MAGI2: variants seen among roughly 807,000 people sequenced by gnomAD.
MAGI2 encodes the protein membrane-associated guanylate kinase, WW and PDZ domain-containing protein 2.
A neutral mutation model predicts 133.3 loss-of-function variants in MAGI2; 35 were observed. That is an observed-to-expected ratio of 0.26 (90% CI 0.20 to 0.35). The LOEUF (loss-of-function observed/expected upper bound fraction) is 0.35, where lower values mean the gene tolerates loss of function less well. MAGI2 is among the 10% of genes least tolerant of loss of function. MAGI2 has a pLI of 1.00. For missense variants in MAGI2, 1,636 were observed against 1,863.4 expected, an observed-to-expected ratio of 0.88 and a Z score of 2.25; for synonymous variants, 729 against 710.6, an observed-to-expected ratio of 1.03 and a Z score of -0.41.
At chr7:78,458,018 C>T (rs1789501384) in intron 6 of MAGI2, among the ~76,000 whole-genome samples, 1 of 152,092 alleles carries the variant, frequency 6.6e-6, no homozygotes, top group Non-Finnish European at 1.5e-5. Context: ...AAAGAGTAGG[C>T]TGGGCGTGGT....
chr7:79,326,259 T>C (rs1201448096), intron 1 of MAGI2, among the ~76,000 whole-genome samples: 1 of 152,170 alleles, frequency 6.6e-6, no homozygotes, highest in African/African-American at 2.4e-5. Context: ...TTTTAAAATA[T>C]GACGCTTGCA....
At chr7:79,074,250 T>C (rs1387855855) in intron 1 of MAGI2, among the ~76,000 whole-genome samples, 1 of 152,220 alleles carries the variant, frequency 6.6e-6, no homozygotes, top group Non-Finnish European at 1.5e-5. Flanking sequence ...AATGTGCCTA[T>C]GTAGCCCTGA....
At chr7:78,768,988 A>C (rs1221850968) in intron 2 of MAGI2, among the ~76,000 whole-genome samples, 1 of 152,170 alleles carries the variant, frequency 6.6e-6, no homozygotes, top group Non-Finnish European at 1.5e-5. Flanking sequence ...GCTAAAGCGC[A>C]TCCTGCCTCT....
intron 2 of MAGI2, among the ~76,000 whole-genome samples, chr7:78,982,022 C>G (rs1428121117): frequency 1.3e-5 from 2 of 151,738 alleles, no homozygotes; most frequent in African/African-American, 4.8e-5. Context: ...ACCTTCCCAC[C>G]TCAGGCAGGT....
At chr7:78,859,748 T>C (rs1024938752) in intron 2 of MAGI2, among the ~76,000 whole-genome samples, 3 of 152,184 alleles carry the variant, frequency 2.0e-5, no homozygotes, top group African/African-American at 7.2e-5. Flanking sequence ...AGTATCTTCA[T>C]GGCGTTCTCT....
chr7:78,153,705 C>T (rs1824112906), intron 16 of MAGI2, among the ~76,000 whole-genome samples: 1 of 152,206 alleles, frequency 6.6e-6, no homozygotes, highest in Admixed American at 6.5e-5. Flanking sequence ...AGGCCTCAAA[C>T]TTACCCAATA....
intron 20 of MAGI2, among the ~76,000 whole-genome samples, chr7:78,122,886 G>T (rs1372045602): frequency 6.6e-6 from 1 of 151,922 alleles, no homozygotes; most frequent in East Asian, 1.9e-4. Context: ...CTTTTAATTA[G>T]GTTATATTCC....
intron 2 of MAGI2, among the ~76,000 whole-genome samples, chr7:78,647,674 C>G (rs10224880): frequency 0.028 from 4,273 of 152,218 alleles, 207 homozygotes; most frequent in African/African-American, 0.098. Flanking sequence ...TGAAATAATG[C>G]TACTACAAAC....
chr7:78,748,676 G>C (rs1251978981), intron 2 of MAGI2, among the ~76,000 whole-genome samples: 1 of 146,002 alleles, frequency 6.8e-6, no homozygotes, highest in Non-Finnish European at 1.5e-5. Context: ...TGCTTTGAAA[G>C]AAGGAAATTA....
rs139142858 is a variant in MAGI2, at chr7:78,044,730, C to G, written c.3707-24754G>C. ...GCACGTGTGCACACGCAGTTGGCTC[C>G]CACTGAGAGATGGAATGAGTGGCAA... On this transcript the variant is annotated intron_variant, in intron 21 of 21. Transcript: ENST00000354212. Among the ~76,000 whole-genome samples the G allele has an allele frequency of 5.8e-3, 862 of 149,508 alleles. 7 individuals carry two copies. The highest frequency in any genetic ancestry group is 7.3e-3 in the Non-Finnish European group (489 of 67,382).
intron 20 of MAGI2, among the ~76,000 whole-genome samples, chr7:78,085,547 C>CT (rs1816524761): frequency 2.9e-5 from 3 of 102,384 alleles, no homozygotes; most frequent in Non-Finnish European, 5.7e-5. Flanking sequence ...AATAATAAAA[C>CT]TCCCACACAC....
At chr7:78,245,703 A>C (rs1791697895) in intron 10 of MAGI2, among the ~76,000 whole-genome samples, 1 of 152,110 alleles carries the variant, frequency 6.6e-6, no homozygotes. Flanking sequence ...GGACCCCAGC[A>C]TCCCCCCATC....
At chr7:79,324,415 C>A (rs940873783) in intron 1 of MAGI2, among the ~76,000 whole-genome samples, 2 of 125,750 alleles carry the variant, frequency 1.6e-5, no homozygotes, top group East Asian at 2.3e-4. Context: ...CACAACGTAT[C>A]TATCTATAAC....
rs1818314440 is a variant in MAGI2 at position 78,703,757 on chromosome 7, G to C, written c.419-76518C>G. ...TTAGTTTATATACCATGCCACCATG[G>C]GTTTATTGATTTGGTCTTTTTCTCA... is the stretch of plus-strand genomic sequence containing the variant. On this transcript the variant is annotated intron_variant, in intron 2 of 21. Transcript: ENST00000354212. Among the ~76,000 whole-genome samples, 4 of 151,362 alleles carry C rather than the reference G, an allele frequency of 2.6e-5. No homozygotes were observed. The South Asian group carries it at 8.3e-4, about 31-fold the overall frequency.
At chr7:78,204,644 C>G (rs1829564940) in intron 10 of MAGI2, among the ~76,000 whole-genome samples, 1 of 152,054 alleles carries the variant, frequency 6.6e-6, no homozygotes, top group African/African-American at 2.4e-5. Context: ...GTTTTTCGTA[C>G]TGATCATGTA....
At chr7:78,625,727 C>T (rs1248709733) in intron 3 of MAGI2, among the ~76,000 whole-genome samples, 2 of 152,122 alleles carry the variant, frequency 1.3e-5, no homozygotes, top group Admixed American at 6.6e-5. Flanking sequence ...TATAGCTATA[C>T]TGTTTTAATC....
chr7:78,474,943 T>C (rs1368062003), intron 6 of MAGI2, among the ~76,000 whole-genome samples: 1 of 151,858 alleles, frequency 6.6e-6, no homozygotes, highest in Non-Finnish European at 1.5e-5. Context: ...TTATTTTTTG[T>C]TGTAAAATAA....
intron 4 of MAGI2, among the ~76,000 whole-genome samples, chr7:78,503,345 A>G (rs950598292): frequency 1.3e-5 from 2 of 152,036 alleles, no homozygotes; most frequent in Non-Finnish European, 2.9e-5. Context: ...GGGAGAAAAT[A>G]AAAGGTAGGA....
intron 4 of MAGI2, among the ~76,000 whole-genome samples, chr7:78,514,659 A>C (rs1795891708): frequency 6.6e-6 from 1 of 152,186 alleles, no homozygotes; most frequent in Non-Finnish European, 1.5e-5. Flanking sequence ...GTGGTTTCAG[A>C]GTGGGGCATT....
Sources: allele counts gnomAD v4.1 joint callset (sites outside exome capture counted in the v4.1 genomes callset), GRCh38; gene constraint gnomAD v4.1.1; transcripts MANE v1.5; gene names NCBI Gene and HGNC (gene_info 2026-07-23, HGNC 2026-07-21).